The following LOC728743 variants were observed in gnomAD, a reference collection of about 807,000 sequenced individuals.
At chr7:150,408,387 G>A in the LOC728743 span, 6 of 361,498 alleles carry the variant, frequency 1.7e-5, no homozygotes, top group Admixed American at 4.6e-5. Flanking sequence ...GGCTCCGGCC[G>A]CCCGCTCGCG....
the LOC728743 span, chr7:150,408,469 G>A: frequency 1.9e-5 from 6 of 322,456 alleles, no homozygotes; most frequent in Non-Finnish European, 3.4e-5. Context: ...TCCTTCTCTG[G>A]CCCATCCGGC....
At chr7:150,401,164 T>C in the LOC728743 span, among the ~76,000 whole-genome samples, 1 of 152,328 alleles carries the variant, frequency 6.6e-6, no homozygotes, top group South Asian at 2.1e-4. Flanking sequence ...ACTGCCTGCA[T>C]CATCCTTGTA....
At chr7:150,410,067 G>C in the LOC728743 span, 1 of 398,432 alleles carries the variant, frequency 2.5e-6, no homozygotes, top group African/African-American at 2.1e-5. Context: ...GGGTAGGCCA[G>C]CTGATCGCTC....
At chr7:150,410,258 C>G in the LOC728743 span, 1 of 398,646 alleles carries the variant, frequency 2.5e-6, no homozygotes, top group Middle Eastern at 6.3e-4. Context: ...TGGCACTGCA[C>G]CCGGGCATGA....
the LOC728743 span, chr7:150,404,645 T>G: frequency 1.3e-5 from 2 of 152,254 alleles, no homozygotes; most frequent in African/African-American, 2.4e-5. Flanking sequence ...GGTTCTGCCC[T>G]CTCACGCCCG....
At chr7:150,407,807 G>A in the LOC728743 span, 1 of 406,770 alleles carries the variant, frequency 2.5e-6, no homozygotes, top group South Asian at 1.1e-4. Flanking sequence ...GGGCCGCGCG[G>A]CTGCCTTCGT....
At chr7:150,402,161 G>C in the LOC728743 span, among the ~76,000 whole-genome samples, 10 of 152,310 alleles carry the variant, frequency 6.6e-5, no homozygotes, top group South Asian at 2.1e-3. Flanking sequence ...GGGAAAAAAG[G>C]GTTTTTCCCT....
chr7:150,409,105 T>C, the LOC728743 span, among the ~76,000 whole-genome samples: 1 of 137,460 alleles, frequency 7.3e-6, no homozygotes, highest in African/African-American at 2.7e-5. Flanking sequence ...ATAAAATTGT[T>C]CTAGGAAGAG....
the LOC728743 span, chr7:150,408,478 G>GC: frequency 3.2e-6 from 1 of 314,608 alleles, no homozygotes; most frequent in Non-Finnish European, 5.8e-6. Context: ...GGCCCATCCG[G>GC]CCTAGAGCAG....
the LOC728743 span, chr7:150,407,791 C>G: frequency 2.5e-6 from 1 of 402,882 alleles, no homozygotes; most frequent in Non-Finnish European, 4.4e-6. Flanking sequence ...AGGCGCACGC[C>G]GGAGCGGGCC....
chr7:150,407,545 C>T, the LOC728743 span: 2 of 398,110 alleles, frequency 5.0e-6, no homozygotes, highest in Non-Finnish European at 8.9e-6. Flanking sequence ...ACCCCTCTCT[C>T]TCCACCCCCC....
At chr7:150,402,222 C>G in the LOC728743 span, among the ~76,000 whole-genome samples, 1 of 152,222 alleles carries the variant, frequency 6.6e-6, no homozygotes, top group African/African-American at 2.4e-5. Flanking sequence ...GTGAAGCAGG[C>G]CTGCTGCAAG....
the LOC728743 span, chr7:150,405,083 C>G: frequency 6.6e-6 from 1 of 152,292 alleles, no homozygotes; most frequent in Admixed American, 6.5e-5. Context: ...ATGTCTGGGT[C>G]GGCGGATCGG....
At chr7:150,401,965 G>A in the LOC728743 span, among the ~76,000 whole-genome samples, 1 of 152,116 alleles carries the variant, frequency 6.6e-6, no homozygotes, top group African/African-American at 2.4e-5. Flanking sequence ...CACCACCTCC[G>A]GGAGAGCCAG....
the LOC728743 span, among the ~76,000 whole-genome samples, chr7:150,406,324 T>C: frequency 6.6e-6 from 1 of 152,106 alleles, no homozygotes; most frequent in East Asian, 1.9e-4. Flanking sequence ...CTTAGGGCCC[T>C]GCAGGAGCCC....
the LOC728743 span, among the ~76,000 whole-genome samples, chr7:150,403,229 G>A: frequency 2.3e-4 from 35 of 152,278 alleles, no homozygotes; most frequent in African/African-American, 7.9e-4. This position sits in a 1 kb window ranked among gnomAD's most constrained non-coding sequence, Gnocchi z 5.1. Context: ...AACTAGAGAA[G>A]TGAAGTGCCT....
the LOC728743 span, chr7:150,404,917 G>A: frequency 2.6e-5 from 4 of 152,288 alleles, no homozygotes; most frequent in African/African-American, 9.6e-5. Flanking sequence ...CCGGGCTCCG[G>A]CGCTCAGCCC....
the LOC728743 span, among the ~76,000 whole-genome samples, chr7:150,401,847 C>A: frequency 7.2e-5 from 11 of 152,146 alleles, no homozygotes; most frequent in African/African-American, 2.7e-4. Context: ...ATTTAAATAG[C>A]CCCACGTAGC....
At chr7:150,409,141 G>GT in the LOC728743 span, among the ~76,000 whole-genome samples, 1,084 of 17,054 alleles carry the variant, frequency 0.064, 27 homozygotes, top group African/African-American at 0.12. Flanking sequence ...GTGTTTTCAA[G>GT]GGAGGGGGGG....
Sources: allele counts gnomAD v4.1 joint callset (sites outside exome capture counted in the v4.1 genomes callset), GRCh38; gene constraint gnomAD v4.1.1; non-coding constraint Gnocchi (gnomAD v3.1); transcripts MANE v1.5.